The following STK31 variants were observed in gnomAD, a reference collection of about 807,000 sequenced individuals.
The protein encoded by STK31 is serine/threonine-protein kinase 31.
A neutral mutation model predicts 129.7 loss-of-function variants in STK31; 89 were observed. That is an observed-to-expected ratio of 0.69 (90% CI 0.58 to 0.82). The LOEUF (loss-of-function observed/expected upper bound fraction) is 0.82, where lower values mean the gene tolerates loss of function less well. Among genes scored for constraint, STK31 ranks in the 40% least tolerant of loss-of-function variants. STK31 has a pLI of 0.00. For synonymous variants in STK31, 448 were observed against 395.3 expected (o/e 1.13, Z -1.58); for missense variants, 1,187 against 1,176.4 (o/e 1.01, Z -0.13).
At chr7:23,766,568 A>G (rs1789844463) in intron 11 of STK31, among the ~76,000 whole-genome samples, 1 of 152,032 alleles carries the variant, frequency 6.6e-6, no homozygotes, top group African/African-American at 2.4e-5. Flanking sequence ...TATTTCCATA[A>G]TTGTTATCAG....
chr7:23,724,594 C>T (rs1417651007), intron 4 of STK31, among the ~76,000 whole-genome samples: 1 of 152,158 alleles, frequency 6.6e-6, no homozygotes, highest in African/African-American at 2.4e-5. Flanking sequence ...AATTATTAAT[C>T]ATATTGTGAT....
intron 15 of STK31, among the ~76,000 whole-genome samples, chr7:23,774,398 A>G (rs1790404515): frequency 6.6e-6 from 1 of 152,170 alleles, no homozygotes; most frequent in Non-Finnish European, 1.5e-5. Flanking sequence ...AGTCCCACCA[A>G]CAGTGTAAAA....
At chr7:23,773,937 C>G (rs1484149325) in intron 15 of STK31, among the ~76,000 whole-genome samples, 1 of 151,202 alleles carries the variant, frequency 6.6e-6, no homozygotes, top group Non-Finnish European at 1.5e-5. Context: ...CTGCCACCCC[C>G]CACCCCACAA....
chr7:23,737,828 T>C (rs987289275), intron 8 of STK31, among the ~76,000 whole-genome samples: 17 of 151,944 alleles, frequency 1.1e-4, no homozygotes, highest in Non-Finnish European at 2.4e-4. Flanking sequence ...AGTTCAGAAA[T>C]TTTCCCCCCC....
At chr7:23,734,170 G>C (rs1216639681) in intron 6 of STK31, among the ~76,000 whole-genome samples, 1 of 152,058 alleles carries the variant, frequency 6.6e-6, no homozygotes, top group Non-Finnish European at 1.5e-5. Context: ...TGTTCGGTTT[G>C]CTTTGTTTGC....
chr7:23,715,072 A>T (rs1029701167), intron 3 of STK31, among the ~76,000 whole-genome samples: 6 of 152,206 alleles, frequency 3.9e-5, no homozygotes, highest in African/African-American at 1.4e-4. Context: ...TATATAAATG[A>T]ATGTAGTGGT....
rs544816988 is a variant in STK31 at position 23,712,116 on chromosome 7, A to C, written c.68A>C (p.Gln23Pro). 6.2e-7 allele frequency: 1 copy of C among 1,611,626 alleles called. No homozygotes were observed. The highest frequency in any genetic ancestry group is 8.5e-7 in the Non-Finnish European group (1 of 1,177,890). The change falls in exon 2 of 24, where the codon CAA (glutamine) becomes CCA (proline). Residue 23 changes from glutamine to proline, a missense_variant. Around this residue, in one of 5 missense-constraint regions of STK31, gnomAD observed 104 missense variants for 98.3 expected, o/e 1.06. Transcript: ENST00000355870. ...TGTTCTAGTTTTTCAGGAATTGTTC[A>C]AATGGATGAAGATACACATTACGAT... ...TESVSFSGIV[Q>P]MDEDTHYDKV...
chr7:23,804,657 C>T (rs1792585468), intron 22 of STK31, among the ~76,000 whole-genome samples: 1 of 152,170 alleles, frequency 6.6e-6, no homozygotes, highest in African/African-American at 2.4e-5. Flanking sequence ...ACCCAGTGAA[C>T]CTAACTTTGC....
At chr7:23,754,266 C>G in intron 9 of STK31, 49 bp from the exon 10 acceptor site, 1 of 1,576,438 alleles carries the variant, frequency 6.3e-7, no homozygotes, top group Non-Finnish European at 8.6e-7. Flanking sequence ...TTTCTCACAC[C>G]AGCTTTCTAA....
rs138681128 is a variant in STK31, at chr7:23,818,365, G to A, written c.2829+3153G>A. 2.9e-3 allele frequency among the ~76,000 whole-genome samples: 435 copies of A among 152,216 alleles called. 1 individual carries two copies. The highest frequency in any genetic ancestry group is 4.0e-3 in the Non-Finnish European group (272 of 68,012). On this transcript the variant is annotated intron_variant, in intron 23 of 23. Transcript: ENST00000355870. The stretch of plus-strand genomic sequence containing the variant: ...CAGAGGTTAATTAAATTTACATTCA[G>A]TTTTTACAGGCAGTATATTTTATAT...
chr7:23,774,873 T>C (rs1043263458), intron 15 of STK31, among the ~76,000 whole-genome samples: 2 of 152,196 alleles, frequency 1.3e-5, no homozygotes, highest in South Asian at 4.1e-4. Flanking sequence ...CTGAATGGTA[T>C]TGCCTAGGTT....
chr7:23,745,700 CTA>C (rs1201389877), intron 8 of STK31, among the ~76,000 whole-genome samples: 2 of 152,148 alleles, frequency 1.3e-5, no homozygotes, highest in Non-Finnish European at 2.9e-5. Context: ...AGATGCATGG[CTA>C]CCCTTCTGCT....
At chr7:23,729,315 G>T in intron 6 of STK31, 66 bp downstream of exon 6, 2 of 1,395,876 alleles carry the variant, frequency 1.4e-6, no homozygotes, top group South Asian at 1.6e-5. Context: ...ACAAAATGTA[G>T]GTATAGTTAA....
chr7:23,793,594 C>G (rs1394558006), intron 22 of STK31, among the ~76,000 whole-genome samples: 1 of 152,106 alleles, frequency 6.6e-6, no homozygotes, highest in Non-Finnish European at 1.5e-5. Flanking sequence ...GGTACTTTAC[C>G]AAAGAAGGTG....
intron 22 of STK31, among the ~76,000 whole-genome samples, chr7:23,810,653 T>G (rs1793035678): frequency 7.4e-6 from 1 of 135,018 alleles, no homozygotes; most frequent in Non-Finnish European, 1.6e-5. Flanking sequence ...ATAAATTATA[T>G]ATATAAAAAT....
At chr7:23,801,410 G>A (rs1792360808) in intron 22 of STK31, among the ~76,000 whole-genome samples, 2 of 151,928 alleles carry the variant, frequency 1.3e-5, no homozygotes, top group Non-Finnish European at 2.9e-5. Context: ...TTGCTGTAGA[G>A]TTTTGGGCAT....
In STK31 at chr7:23,813,816, A is replaced by G. The variant is rs192612339; in HGVS notation, c.2761-1328A>G. On this transcript the variant is annotated intron_variant, in intron 22 of 23. Transcript: ENST00000355870. ...TCTCCTTTCCTATGACCGATGCAGA[A>G]TACCTCCAGAACCATCCCTTGTTAT... 7.4e-3 allele frequency among the ~76,000 whole-genome samples: 1,120 copies of G among 152,196 alleles called. 13 individuals carry two copies. Among genetic ancestry groups the G allele is most frequent in the African/African-American group, 0.025 (1,028 of 41,526 alleles).
In STK31 at chr7:23,738,252, A is replaced by AT. The variant is rs1456211100; in HGVS notation, c.1017+1175dup. On this transcript the variant is annotated intron_variant, in intron 8 of 23. Coordinates refer to ENST00000355870, the MANE Select transcript of STK31 (RefSeq NM_031414.5). ...ACAGCCAAATAAATGGAAGATATATATAAGGCAAGGTACTGGGGCAGGAGG... is the reference window on the plus strand; with the variant it reads ...ACAGCCAAATAAATGGAAGATATATATTAAGGCAAGGTACTGGGGCAGGAGG... Among the ~76,000 whole-genome samples, 53 of 152,344 alleles carry AT rather than the reference A, an allele frequency of 3.5e-4. No homozygotes were observed. In the East Asian group the frequency reaches 4.2e-3, roughly 12 times the overall value.
At chr7:23,721,261 C>A in intron 4 of STK31, 2 of 516,068 alleles carry the variant, frequency 3.9e-6, no homozygotes, top group East Asian at 3.1e-5. Flanking sequence ...GCTACATTTT[C>A]AAGACTAAGG....
Sources: gnomAD v4.1 joint callset for allele counts (sites outside exome capture counted in the v4.1 genomes callset) on GRCh38, gnomAD v4.1.1 for gene constraint, gnomAD v4.1.1 regional missense constraint, MANE v1.5 for transcripts, NCBI Gene and HGNC (gene_info 2026-07-23, HGNC 2026-07-21) for gene names.